The following EYS variants were observed in gnomAD, a reference collection of about 807,000 sequenced individuals.
EYS encodes EGF-like photoreceptor maintenance factor.
In EYS, 250 loss-of-function variants were observed where a neutral mutation model predicts 282.1. The observed-to-expected ratio is 0.89, with a 90% confidence interval of 0.80 to 0.98. The LOEUF is 0.98. Among genes scored for constraint, EYS ranks in the 50% least tolerant of loss-of-function variants. The pLI is 0.00. For missense variants in EYS, 4,016 were observed against 3,709.0 expected, an observed-to-expected ratio of 1.08 and a Z score of -2.15; for synonymous variants, 1,355 against 1,282.9, an observed-to-expected ratio of 1.06 and a Z score of -1.20.
In EYS at chr6:64,682,548, CA is replaced by C. The variant is rs1409079318; in HGVS notation, c.3444-56304del. 3.9e-5 allele frequency among the ~76,000 whole-genome samples: 6 copies of C among 152,192 alleles called. No individual in the cohort carries two copies. The South Asian group carries it at 1.0e-3, about 26-fold the overall frequency. On this transcript the variant is annotated intron_variant, in intron 22 of 42. Coordinates refer to ENST00000503581, the MANE Select transcript of EYS (RefSeq NM_001142800.2). ...GACAAAATGGCAGAGTATGACCTTC[CA>C]GGGGCAGTTCATCAGAAAAGTGAAG...
At chr6:65,350,851 G>A (rs1221565911) in intron 9 of EYS, among the ~76,000 whole-genome samples, 1 of 151,610 alleles carries the variant, frequency 6.6e-6, no homozygotes, top group Non-Finnish European at 1.5e-5. Flanking sequence ...ATATTGGCAA[G>A]AATTGATTGG....
intron 26 of EYS, among the ~76,000 whole-genome samples, chr6:64,506,908 T>TAAAA (rs530521158): frequency 1.5e-4 from 15 of 97,808 alleles, no homozygotes; most frequent in African/African-American, 5.8e-4. Context: ...GGCTGTGTCT[T>TAAAA]AAAAAAAAAA....
In EYS at chr6:65,516,999, A is replaced by G. The variant is rs1351964514; in HGVS notation, c.-332-21006T>C. 2.0e-5 allele frequency among the ~76,000 whole-genome samples: 3 copies of G among 151,998 alleles called. No homozygotes were observed. The East Asian group carries it at 5.8e-4, about 29-fold the overall frequency. ...CCTTTAAAATGATAATAAAAATACT[A>G]TGTGGATAATAGCTCTATTATTTAT... On this transcript the variant is annotated intron_variant, in intron 2 of 42. Coordinates refer to ENST00000503581, the MANE Select transcript of EYS (RefSeq NM_001142800.2).
intron 15 of EYS, among the ~76,000 whole-genome samples, chr6:64,944,524 G>A (rs1379816359): frequency 1.3e-5 from 2 of 152,050 alleles, no homozygotes; most frequent in African/African-American, 4.8e-5. Context: ...GTGGAAAGCC[G>A]TAGGGACCTC....
intron 10 of EYS, among the ~76,000 whole-genome samples, chr6:65,337,005 CT>C (rs1342112043): frequency 6.6e-6 from 1 of 151,310 alleles, no homozygotes; most frequent in Non-Finnish European, 1.5e-5. Context: ...TTCACATTTT[CT>C]TTTTGGTTTT....
At chr6:64,403,269 A>T (rs1228528950) in intron 28 of EYS, among the ~76,000 whole-genome samples, 1 of 152,186 alleles carries the variant, frequency 6.6e-6, no homozygotes, top group Non-Finnish European at 1.5e-5. Flanking sequence ...AAAAATATTT[A>T]AAAATATGGT....
intron 26 of EYS, among the ~76,000 whole-genome samples, chr6:64,517,372 C>A (rs1033307271): frequency 6.6e-6 from 1 of 151,772 alleles, no homozygotes; most frequent in African/African-American, 2.4e-5. Flanking sequence ...GGTAAATAAG[C>A]AATAGGCAGT....
At chr6:64,802,954 G>A (rs947633218) in intron 22 of EYS, among the ~76,000 whole-genome samples, 17 of 152,160 alleles carry the variant, frequency 1.1e-4, no homozygotes, top group African/African-American at 3.9e-4. Flanking sequence ...GTGGTGAGGC[G>A]GGCAGCTCCA....
At chr6:64,630,972 T>C (rs1381567790) in intron 22 of EYS, among the ~76,000 whole-genome samples, 2 of 152,208 alleles carry the variant, frequency 1.3e-5, no homozygotes, top group African/African-American at 4.8e-5. Context: ...AGCATTTTAA[T>C]AGAATGTCTG....
chr6:65,236,705 G>T (rs767858707), intron 12 of EYS, among the ~76,000 whole-genome samples: 1 of 152,072 alleles, frequency 6.6e-6, no homozygotes, highest in East Asian at 1.9e-4. Flanking sequence ...TGACTTCAGT[G>T]GTACAGTTTC....
At chr6:65,677,579 T>C (rs1768669635) in intron 1 of EYS, among the ~76,000 whole-genome samples, 1 of 151,962 alleles carries the variant, frequency 6.6e-6, no homozygotes, top group South Asian at 2.1e-4. Context: ...TGGAAAGATA[T>C]CCTGTATAAA....
At chr6:64,297,858 A>T (rs1769089755) in intron 30 of EYS, among the ~76,000 whole-genome samples, 1 of 151,932 alleles carries the variant, frequency 6.6e-6, no homozygotes, top group African/African-American at 2.4e-5. Flanking sequence ...TGTGCCTGTA[A>T]TCCCAGCTAC....
intron 29 of EYS, among the ~76,000 whole-genome samples, chr6:64,321,070 C>T: frequency 6.6e-6 from 1 of 151,684 alleles, no homozygotes; most frequent in East Asian, 1.9e-4. Context: ...TTTCAAGTTT[C>T]TAAGTAATAT....
At chr6:65,706,340 C>T (rs1359768920) in intron 1 of EYS, among the ~76,000 whole-genome samples, 4 of 151,670 alleles carry the variant, frequency 2.6e-5, no homozygotes, top group Non-Finnish European at 4.4e-5. Flanking sequence ...TTCAACATAC[C>T]TGATTTCTGA....
chr6:65,179,866 G>A (rs1765328461), intron 12 of EYS, among the ~76,000 whole-genome samples: 1 of 152,034 alleles, frequency 6.6e-6, no homozygotes, highest in African/African-American at 2.4e-5. Flanking sequence ...CCATGATCAA[G>A]TGGGCTTCAT....
chr6:64,802,023 CTTTTTTTTTCTTTTTT>C (rs1270194474), intron 22 of EYS, among the ~76,000 whole-genome samples: 11 of 70,798 alleles, frequency 1.6e-4, no homozygotes, highest in Admixed American at 1.1e-3. Flanking sequence ...ATTTCTTTTT[CTTTTTTTTTCTTTTTT>C]TTTTTTTTTT....
intron 36 of EYS, chr6:63,857,740 G>A (rs1581901242): frequency 2.8e-6 from 1 of 362,384 alleles, no homozygotes; most frequent in East Asian, 6.8e-5. Flanking sequence ...ATGAGCATCT[G>A]AGACATAAAA....
intron 12 of EYS, among the ~76,000 whole-genome samples, chr6:65,153,569 G>C (rs377418016): frequency 5.8e-4 from 88 of 151,728 alleles, no homozygotes; most frequent in African/African-American, 1.8e-3. Flanking sequence ...CTATTCTAGA[G>C]AAAATTTTCT....
At chr6:64,585,338 AG>A (rs1387652621) in intron 26 of EYS, among the ~76,000 whole-genome samples, 1 of 152,106 alleles carries the variant, frequency 6.6e-6, no homozygotes, top group Non-Finnish European at 1.5e-5. Flanking sequence ...GGGAGCAGGT[AG>A]GGGTTGAAAT....
Sources: gnomAD v4.1 joint callset for allele counts (sites outside exome capture counted in the v4.1 genomes callset) on GRCh38, gnomAD v4.1.1 for gene constraint, MANE v1.5 for transcripts, NCBI Gene and HGNC (gene_info 2026-07-23, HGNC 2026-07-21) for gene names.